IGF1R: variants seen among roughly 807,000 people sequenced by gnomAD.
The protein encoded by IGF1R is insulin like growth factor 1 receptor, also known as insulin-like growth factor 1 receptor.
A neutral mutation model predicts 144.6 loss-of-function variants in IGF1R; 44 were observed. The observed-to-expected ratio is 0.30, with a 90% CI of 0.24 to 0.39. IGF1R has a LOEUF of 0.39. Ranked by LOEUF, IGF1R falls within the 10% of genes least tolerant of loss-of-function variation. IGF1R has a pLI of 1.00. For missense variants in IGF1R, 1,355 were observed against 1,833.7 expected (o/e 0.74, Z 4.77); for synonymous variants, 795 against 722.8 (o/e 1.10, Z -1.60).
chr15:98,937,486 T>C (rs1404690262), intron 17 of IGF1R, among the ~76,000 whole-genome samples: 1 of 152,218 alleles, frequency 6.6e-6, no homozygotes, highest in Non-Finnish European at 1.5e-5. Context: ...CTTTCAGAAC[T>C]AAAATTCACC....
chr15:98,946,315 A>C (rs2016552651), intron 19 of IGF1R, among the ~76,000 whole-genome samples: 1 of 152,088 alleles, frequency 6.6e-6, no homozygotes. Context: ...TAGGCTGCAG[A>C]GAGATCAAGA....
intron 2 of IGF1R, among the ~76,000 whole-genome samples, chr15:98,761,898 G>A (rs187445404): frequency 6.6e-6 from 1 of 152,344 alleles, no homozygotes; most frequent in East Asian, 1.9e-4. Flanking sequence ...ACAGTGATGA[G>A]CAAGCCACTG....
At chr15:98,689,536 A>C (rs911535611) in intron 1 of IGF1R, among the ~76,000 whole-genome samples, 15 of 130,606 alleles carry the variant, frequency 1.1e-4, no homozygotes, top group African/African-American at 5.1e-4. Context: ...CAGTTGCACT[A>C]CATTTTTTTT....
chr15:98,878,690 AAAAAACAAC>A (rs2013199108), intron 2 of IGF1R, among the ~76,000 whole-genome samples: 4 of 139,886 alleles, frequency 2.9e-5, no homozygotes, highest in African/African-American at 1.2e-4. Flanking sequence ...AAAAAAAAAA[AAAAAACAAC>A]AACAAAAAAA....
At position 98,714,411 on chromosome 15, in the gene IGF1R, A is replaced by C. The variant is rs548086833; in HGVS notation, c.640+6304A>C. ...GTAATCCTAGCATTTGGGGAGGCTGAGGCAGGAGGATCGCTTGAGTCCAGG... is the reference window on the plus strand; with the variant it reads ...GTAATCCTAGCATTTGGGGAGGCTGCGGCAGGAGGATCGCTTGAGTCCAGG... On this transcript the variant is annotated intron_variant, in intron 2 of 20. Transcript: ENST00000650285. Among the ~76,000 whole-genome samples, 138 of 152,332 alleles carry C rather than the reference A, an allele frequency of 9.1e-4. 1 individual carries two copies. The highest frequency in any genetic ancestry group is 3.1e-3 in the African/African-American group (130 of 41,578).
At chr15:98,865,333 G>T (rs1233690892) in intron 2 of IGF1R, among the ~76,000 whole-genome samples, 2 of 152,220 alleles carry the variant, frequency 1.3e-5, no homozygotes, top group African/African-American at 4.8e-5. Context: ...GGATATGTTG[G>T]ACTAATTCCT....
chr15:98,786,805 A>G (rs1482593615), intron 2 of IGF1R, among the ~76,000 whole-genome samples: 1 of 152,186 alleles, frequency 6.6e-6, no homozygotes, highest in Admixed American at 6.5e-5. Context: ...AGGTGCCTGC[A>G]TGACTGTAGG....
chr15:98,811,668 T>C (rs1410725616), intron 2 of IGF1R, among the ~76,000 whole-genome samples: 1 of 152,064 alleles, frequency 6.6e-6, no homozygotes, highest in Non-Finnish European at 1.5e-5. Context: ...GGCTGACGCC[T>C]GTAATCCCAG....
intron 2 of IGF1R, among the ~76,000 whole-genome samples, chr15:98,830,488 T>C (rs1431793464): frequency 6.6e-6 from 1 of 152,152 alleles, no homozygotes; most frequent in African/African-American, 2.4e-5. Flanking sequence ...GTGACTATTG[T>C]AGTCCATAGG....
chr15:98,796,291 G>A (rs1273280587), intron 2 of IGF1R, among the ~76,000 whole-genome samples: 2 of 152,130 alleles, frequency 1.3e-5, no homozygotes, highest in Non-Finnish European at 2.9e-5. Flanking sequence ...GGGGGTGGTT[G>A]GTTGGGGTTT....
At chr15:98,738,917 C>A (rs2054673514) in intron 2 of IGF1R, among the ~76,000 whole-genome samples, 1 of 152,166 alleles carries the variant, frequency 6.6e-6, no homozygotes, top group African/African-American at 2.4e-5. Flanking sequence ...AGTGGCTACA[C>A]TTGTACAGTC....
At position 98,889,063 on chromosome 15, in the gene IGF1R, A is replaced by G. The variant is rs562218936; in HGVS notation, c.641-2262A>G. Among the ~76,000 whole-genome samples, 79 of 152,356 alleles carry G rather than the reference A, an allele frequency of 5.2e-4. 1 individual carries two copies. The South Asian group carries it at 0.013, about 25-fold the overall frequency. On this transcript the variant is annotated intron_variant, in intron 2 of 20. Transcript: ENST00000650285. ...AACGTTTGTTTATATCTCACTGGCC[A>G]GAACTTAAGTCATATGGCCACCTCT...
At chr15:98,946,741 G>A (rs1423099073) in intron 19 of IGF1R, among the ~76,000 whole-genome samples, 2 of 152,180 alleles carry the variant, frequency 1.3e-5, no homozygotes, top group African/African-American at 2.4e-5. Context: ...CTGGGAACTT[G>A]GAATGGAGCA....
intron 1 of IGF1R, among the ~76,000 whole-genome samples, chr15:98,680,888 T>TA (rs1435568781): frequency 7.3e-5 from 11 of 151,264 alleles, no homozygotes; most frequent in African/African-American, 2.7e-4. Flanking sequence ...TTATCCTTCT[T>TA]ACTATATTTT....
chr15:98,740,586 C>A (rs1317976512), intron 2 of IGF1R, among the ~76,000 whole-genome samples: 1 of 152,166 alleles, frequency 6.6e-6, no homozygotes, highest in Non-Finnish European at 1.5e-5. Context: ...AGTAGGATTT[C>A]TCTTTTTGAG....
rs1413537051 is a variant in IGF1R at position 98,959,814 on chromosome 15, C to T, written c.*2372C>T. On this transcript the variant is annotated 3_prime_UTR_variant, in exon 21 of 21. Transcript: ENST00000650285. ...TTTTTTGCTGGTCAGCAGTTTGTCCCACTGCTTTCTCTAGTCTCTATCCCA... is the reference window on the plus strand; with the variant it reads ...TTTTTTGCTGGTCAGCAGTTTGTCCTACTGCTTTCTCTAGTCTCTATCCCA... The T allele has an allele frequency of 4.3e-6, 1 of 232,470 alleles. No homozygotes were observed. The highest frequency in any genetic ancestry group is 2.2e-5 in the African/African-American group (1 of 45,084). The allele number at this position is 232,470 out of a possible 1,614,324, so 14.4% of individuals were successfully genotyped here. A position where few individuals can be genotyped will look rare whatever the true frequency, so the allele number is the denominator to read the frequency against.
intron 15 of IGF1R, among the ~76,000 whole-genome samples, chr15:98,930,626 T>G (rs2015903399): frequency 6.6e-6 from 1 of 151,970 alleles, no homozygotes; most frequent in Non-Finnish European, 1.5e-5. Flanking sequence ...AGCTTTTTAA[T>G]TGTTAACATC....
intron 2 of IGF1R, among the ~76,000 whole-genome samples, chr15:98,845,906 A>T (rs982810924): frequency 1.3e-5 from 2 of 152,230 alleles, no homozygotes; most frequent in Non-Finnish European, 2.9e-5. Context: ...CAGCTTTACA[A>T]AATAAAAGGT....
Position 98,828,080 on chromosome 15 carries a change from G to A in IGF1R, c.641-63245G>A, listed in dbSNP as rs1271201720. 3.9e-5 allele frequency among the ~76,000 whole-genome samples: 6 copies of A among 152,316 alleles called. No homozygotes were observed. In the South Asian group the frequency reaches 6.2e-4, roughly 16 times the overall value. ...AGCAAGGCTTTAGGGAGAGATTCCC[G>A]CTGGGGGCATTCACCCTCTGGTCCA... On this transcript the variant is annotated intron_variant, in intron 2 of 20. Coordinates refer to ENST00000650285, the MANE Select transcript of IGF1R (RefSeq NM_000875.5).
Sources: allele counts gnomAD v4.1 joint callset (sites outside exome capture counted in the v4.1 genomes callset), GRCh38; gene constraint gnomAD v4.1.1; transcripts MANE v1.5; gene names NCBI Gene and HGNC (gene_info 2026-07-23, HGNC 2026-07-21).